RORA: variants seen among roughly 807,000 people sequenced by gnomAD.
The protein encoded by RORA is RAR related orphan receptor A.
Under a neutral mutation model 69.5 loss-of-function variants are expected in RORA, and 7 were observed. The ratio of observed to expected loss-of-function variants is 0.10; its 90% CI spans 0.06 to 0.19. The LOEUF (loss-of-function observed/expected upper bound fraction) is 0.19, where lower values mean the gene tolerates loss of function less well. Among genes scored for constraint, RORA ranks in the 10% least tolerant of loss-of-function variants. The pLI is 1.00. For synonymous variants in RORA, 261 were observed against 240.8 expected (o/e 1.08, Z -0.78); for missense variants, 457 against 663.0 (o/e 0.69, Z 3.41).
At chr15:60,593,537 G>A (rs1370823331) in intron 2 of RORA, 3 of 152,020 alleles carry the variant, frequency 2.0e-5, no homozygotes, top group Admixed American at 6.6e-5. Flanking sequence ...CTGTCCTTAC[G>A]GAACTGTAAA....
chr15:60,581,444 T>A (rs530700739), intron 2 of RORA, among the ~76,000 whole-genome samples: 2 of 152,368 alleles, frequency 1.3e-5, no homozygotes, highest in East Asian at 3.8e-4. Context: ...AGTTGCTTGA[T>A]GTTACGGATG....
intron 2 of RORA, among the ~76,000 whole-genome samples, chr15:60,546,027 G>A (rs536504452): frequency 2.5e-4 from 38 of 152,242 alleles, no homozygotes; most frequent in Non-Finnish European, 4.7e-4. Flanking sequence ...TCTCTTCTAC[G>A]TCAGGGAGTC....
intron 1 of RORA, among the ~76,000 whole-genome samples, chr15:60,860,772 C>T (rs2073429185): frequency 2.0e-5 from 3 of 152,222 alleles, no homozygotes; most frequent in Admixed American, 2.0e-4. Context: ...TCAATGTACA[C>T]TTACTGGGCA....
chr15:60,996,068 TTTG>T (rs1245969991), intron 1 of RORA, among the ~76,000 whole-genome samples: 1 of 127,198 alleles, frequency 7.9e-6, no homozygotes, highest in Non-Finnish European at 1.8e-5. Context: ...GATCTTGTTT[TTTG>T]TTTTTTTTTT....
chr15:60,973,804 T>C (rs904813844), intron 1 of RORA, among the ~76,000 whole-genome samples: 1 of 152,208 alleles, frequency 6.6e-6, no homozygotes, highest in African/African-American at 2.4e-5. Context: ...AATCACTCCC[T>C]TCTGTAACCG....
At chr15:61,137,019 A>AAAAGAAAGAAAGAAAGAAAGAAAGAAAG (rs551072168) in intron 1 of RORA, among the ~76,000 whole-genome samples, 7 of 61,172 alleles carry the variant, frequency 1.1e-4, no homozygotes, top group East Asian at 5.5e-4. Flanking sequence ...AAATAAATAA[A>AAAAGAAAGAAAGAAAGAAAGAAAGAAAG]AAAGAAAGAA....
intron 1 of RORA, among the ~76,000 whole-genome samples, chr15:60,992,409 C>A (rs1410230935): frequency 5.3e-5 from 8 of 152,168 alleles, no homozygotes; most frequent in Non-Finnish European, 8.8e-5. Flanking sequence ...AAAGGGCCTA[C>A]ACGACCCATA....
At chr15:60,965,617 G>C (rs1893533770) in intron 1 of RORA, among the ~76,000 whole-genome samples, 1 of 152,166 alleles carries the variant, frequency 6.6e-6, no homozygotes, top group Non-Finnish European at 1.5e-5. Flanking sequence ...CAATAAACAT[G>C]ACATCAAGGG....
At chr15:61,207,966 T>C (rs1252587763) in intron 1 of RORA, among the ~76,000 whole-genome samples, 2 of 152,220 alleles carry the variant, frequency 1.3e-5, no homozygotes, top group Non-Finnish European at 2.9e-5. Flanking sequence ...CTTAATCACA[T>C]TTTCAATGAC....
chr15:60,882,001 C>T (rs2073685323), intron 1 of RORA, among the ~76,000 whole-genome samples: 2 of 152,212 alleles, frequency 1.3e-5, no homozygotes, highest in African/African-American at 2.4e-5. Flanking sequence ...TTAAATATGG[C>T]TCAGAGCATT....
At chr15:60,894,791 T>C (rs2140461224) in intron 1 of RORA, among the ~76,000 whole-genome samples, 1 of 152,240 alleles carries the variant, frequency 6.6e-6, no homozygotes, top group Non-Finnish European at 1.5e-5. Flanking sequence ...GAAAAGACAC[T>C]TTCAGGCCTC....
chr15:61,112,708 T>C (rs1344966129), intron 1 of RORA, among the ~76,000 whole-genome samples: 1 of 152,218 alleles, frequency 6.6e-6, no homozygotes, highest in Non-Finnish European at 1.5e-5. Context: ...CATTTGTTCC[T>C]TCCAACTACC....
At chr15:61,088,441 T>G (rs1255430509) in intron 1 of RORA, among the ~76,000 whole-genome samples, 1 of 152,182 alleles carries the variant, frequency 6.6e-6, no homozygotes, top group Non-Finnish European at 1.5e-5. Flanking sequence ...AATGCACATG[T>G]AGTTTGGTAC....
intron 1 of RORA, among the ~76,000 whole-genome samples, chr15:60,966,569 A>T (rs1440939965): frequency 1.3e-5 from 2 of 152,224 alleles, no homozygotes; most frequent in Non-Finnish European, 2.9e-5. Context: ...GTAGGAATGT[A>T]TTAGATGAAT....
chr15:60,548,902 G>A (rs1272714277), intron 2 of RORA, among the ~76,000 whole-genome samples: 1 of 152,216 alleles, frequency 6.6e-6, no homozygotes, highest in Admixed American at 6.5e-5. Flanking sequence ...TGGGATTACA[G>A]GCATGAGCCA....
chr15:60,582,007 T>C lies in RORA; in HGVS notation c.197-50156A>G, dbSNP rs141674789. Among the ~76,000 whole-genome samples the C allele has an allele frequency of 9.8e-4, 150 of 152,312 alleles. 2 individuals carry two copies. Among genetic ancestry groups the C allele is most frequent in the African/African-American group, 3.4e-3 (141 of 41,558 alleles). The stretch of plus-strand genomic sequence containing the variant: ...AGAATAAAATTACTGTGGTACGCAA[T>C]GGTTAAGGCTACTCCATGGTTTCCA... On this transcript the variant is annotated intron_variant, in intron 2 of 10. Coordinates refer to ENST00000335670, the MANE Select transcript of RORA (RefSeq NM_134261.3).
At chr15:60,504,407 C>T (rs975464106) in intron 6 of RORA, among the ~76,000 whole-genome samples, 4 of 151,968 alleles carry the variant, frequency 2.6e-5, no homozygotes, top group East Asian at 3.9e-4. Context: ...ATTAGCCAGG[C>T]GTGGTGGTAC....
chr15:60,967,412 G>A (rs549581394), intron 1 of RORA, among the ~76,000 whole-genome samples: 43 of 152,304 alleles, frequency 2.8e-4, no homozygotes, highest in African/African-American at 9.9e-4. Flanking sequence ...AACATCGAAT[G>A]GAGCTAGGAG....
intron 1 of RORA, among the ~76,000 whole-genome samples, chr15:60,909,779 A>T (rs1891650152): frequency 6.6e-6 from 1 of 152,220 alleles, no homozygotes; most frequent in African/African-American, 2.4e-5. Flanking sequence ...CTGGAAAGAG[A>T]GTGGCCTCAA....
Sources: gnomAD v4.1 joint callset for allele counts (sites outside exome capture counted in the v4.1 genomes callset) on GRCh38, gnomAD v4.1.1 for gene constraint, MANE v1.5 for transcripts, NCBI Gene and HGNC (gene_info 2026-07-23, HGNC 2026-07-21) for gene names.